The following FAF1 variants were observed in gnomAD, a reference collection of about 807,000 sequenced individuals.
FAF1 encodes FAS-associated factor 1.
In FAF1, 25 loss-of-function variants were observed where a neutral mutation model predicts 92.5. The ratio of observed to expected loss-of-function variants is 0.27; its 90% CI spans 0.20 to 0.38. The LOEUF is 0.38. FAF1 is among the 10% of genes least tolerant of loss of function. The pLI is 1.00. For missense variants in FAF1, 636 were observed against 793.3 expected (o/e 0.80, Z 2.38); for synonymous variants, 234 against 273.2 (o/e 0.86, Z 1.42).
chr1:50,600,455 G>T (rs1477028180), intron 8 of FAF1, among the ~76,000 whole-genome samples: 1 of 152,042 alleles, frequency 6.6e-6, no homozygotes, highest in Non-Finnish European at 1.5e-5. Flanking sequence ...TATAGTGGTA[G>T]GGCTTCAGAT....
chr1:50,510,919 G>A (rs189314105), intron 15 of FAF1, among the ~76,000 whole-genome samples: 1 of 152,034 alleles, frequency 6.6e-6, no homozygotes, highest in African/African-American at 2.4e-5. Flanking sequence ...AAGTACATAG[G>A]TGTTTACTTT....
In FAF1 at chr1:50,894,639, T is replaced by TA. The variant is rs879791877; in HGVS notation, c.46-36643dup. ...GGCCACAAAACAAGTCTTAAGACAC[T>TA]AAAAAAAAAAAATGAAATAATATAA... is the stretch of plus-strand genomic sequence containing the variant. On this transcript the variant is annotated intron_variant, in intron 1 of 18. Transcript: ENST00000396153. Among the ~76,000 whole-genome samples the TA allele has an allele frequency of 4.2e-3, 602 of 142,102 alleles. 2 individuals carry two copies. The highest frequency in any genetic ancestry group is 8.0e-3 in the African/African-American group (310 of 38,942). The allele number at this position is 142,102 out of a possible 152,430, so 93.2% of individuals were successfully genotyped here.
intron 8 of FAF1, among the ~76,000 whole-genome samples, chr1:50,652,915 T>C (rs1168682885): frequency 6.6e-6 from 1 of 152,236 alleles, no homozygotes; most frequent in Admixed American, 6.5e-5. Context: ...TTATCACTTA[T>C]CTTCATAATA....
chr1:50,525,077 G>C (rs951387573), intron 15 of FAF1, among the ~76,000 whole-genome samples: 5 of 152,056 alleles, frequency 3.3e-5, no homozygotes, highest in African/African-American at 1.2e-4. Flanking sequence ...ATAGAAGCAG[G>C]GTTTCTCCAT....
intron 13 of FAF1, among the ~76,000 whole-genome samples, chr1:50,554,382 T>TAGAGAG (rs541317145): frequency 4.4e-4 from 44 of 99,046 alleles, no homozygotes; most frequent in African/African-American, 1.8e-3. Flanking sequence ...TATATATATA[T>TAGAGAG]ATATATATAG....
intron 15 of FAF1, among the ~76,000 whole-genome samples, chr1:50,534,302 A>G (rs1160003463): frequency 6.6e-6 from 1 of 151,928 alleles, no homozygotes; most frequent in Non-Finnish European, 1.5e-5. Context: ...TTTTTTTGAG[A>G]CATATTCTCA....
chr1:50,672,046 C>T (rs1292405794), intron 7 of FAF1, among the ~76,000 whole-genome samples: 8 of 139,132 alleles, frequency 5.7e-5, no homozygotes, highest in Admixed American at 4.3e-4. Flanking sequence ...TATTTATTTA[C>T]TTATTTATTT....
intron 18 of FAF1, among the ~76,000 whole-genome samples, chr1:50,451,400 G>C (rs1572749995): frequency 6.6e-6 from 1 of 152,100 alleles, no homozygotes; most frequent in African/African-American, 2.4e-5. Flanking sequence ...TATGAGGGAG[G>C]TATATTACCT....
At chr1:50,609,072 T>G (rs1652572522) in intron 8 of FAF1, among the ~76,000 whole-genome samples, 1 of 152,240 alleles carries the variant, frequency 6.6e-6, no homozygotes, top group Non-Finnish European at 1.5e-5. Flanking sequence ...ATCCACTCAC[T>G]TAACTAATAG....
chr1:50,766,953 T>C (rs1485469820), intron 4 of FAF1, among the ~76,000 whole-genome samples: 1 of 152,068 alleles, frequency 6.6e-6, no homozygotes, highest in Non-Finnish European at 1.5e-5. Flanking sequence ...TCCCCAGCAA[T>C]AGGTCTTAAC....
At chr1:50,808,610 T>C (rs1036881143) in intron 2 of FAF1, among the ~76,000 whole-genome samples, 2 of 151,786 alleles carry the variant, frequency 1.3e-5, no homozygotes, top group Non-Finnish European at 2.9e-5. Flanking sequence ...AAAGCAGAGG[T>C]TGCTGTTCTA....
At chr1:50,600,472 T>C (rs907577766) in intron 8 of FAF1, among the ~76,000 whole-genome samples, 1 of 152,088 alleles carries the variant, frequency 6.6e-6, no homozygotes, top group Admixed American at 6.5e-5. Context: ...AGATTCTACA[T>C]TGAAAGTAAC....
chr1:50,612,394 C>T, intron 8 of FAF1: 2 of 1,204,778 alleles, frequency 1.7e-6, no homozygotes, highest in Non-Finnish European at 1.1e-6. Flanking sequence ...AGTGGAGAAA[C>T]CTCATTATTT....
intron 1 of FAF1, among the ~76,000 whole-genome samples, chr1:50,908,146 G>A (rs1644855115): frequency 6.6e-6 from 1 of 152,166 alleles, no homozygotes; most frequent in African/African-American, 2.4e-5. Flanking sequence ...AGTCATTCAG[G>A]AGCAGGTTGT....
At chr1:50,672,550 T>C (rs1655944942) in intron 7 of FAF1, among the ~76,000 whole-genome samples, 1 of 152,186 alleles carries the variant, frequency 6.6e-6, no homozygotes, top group African/African-American at 2.4e-5. Flanking sequence ...ACCAAAGTGC[T>C]GGGATTATAG....
intron 18 of FAF1, among the ~76,000 whole-genome samples, chr1:50,464,512 C>G (rs528836148): frequency 3.9e-5 from 6 of 152,320 alleles, no homozygotes; most frequent in Admixed American, 3.9e-4. Flanking sequence ...ATGCAATAAA[C>G]AGTGGACTTT....
intron 7 of FAF1, among the ~76,000 whole-genome samples, chr1:50,695,912 G>A (rs1274554909): frequency 6.9e-6 from 1 of 145,900 alleles, no homozygotes; most frequent in East Asian, 2.1e-4. Context: ...TCCTCCCAAA[G>A]TACTGGGATT....
chr1:50,818,761 C>T (rs569747821), intron 2 of FAF1, among the ~76,000 whole-genome samples: 1 of 151,714 alleles, frequency 6.6e-6, no homozygotes, highest in Non-Finnish European at 1.5e-5. Flanking sequence ...AGGCGGGGGC[C>T]GGGAGGCAGA....
chr1:50,511,907 T>C (rs1261208014), intron 15 of FAF1, among the ~76,000 whole-genome samples: 1 of 152,210 alleles, frequency 6.6e-6, no homozygotes, highest in African/African-American at 2.4e-5. Context: ...GTAGTATCTA[T>C]TGTTCCCTGA....
Sources: allele counts gnomAD v4.1 joint callset (sites outside exome capture counted in the v4.1 genomes callset), GRCh38; gene constraint gnomAD v4.1.1; transcripts MANE v1.5; gene names NCBI Gene and HGNC (gene_info 2026-07-23, HGNC 2026-07-21).